KCNJ5: variants seen among roughly 807,000 people sequenced by gnomAD.
The protein encoded by KCNJ5 is potassium inwardly rectifying channel subfamily J member 5, also known as G protein-activated inward rectifier potassium channel 4.
A neutral mutation model predicts 20.2 loss-of-function variants in KCNJ5; 12 were observed. That is an observed-to-expected ratio of 0.59 (90% confidence interval 0.38 to 0.96). The LOEUF (loss-of-function observed/expected upper bound fraction) is 0.96. Ranked by LOEUF, KCNJ5 falls within the 40% of genes least tolerant of loss-of-function variation. KCNJ5 has a pLI of 0.00. For missense variants in KCNJ5, 449 were observed against 557.6 expected (o/e 0.81, Z 1.96); for synonymous variants, 210 against 213.9 (o/e 0.98, Z 0.16).
At chr11:128,899,103 G>T (rs752648435) in intron 1 of KCNJ5, among the ~76,000 whole-genome samples, 27 of 152,166 alleles carry the variant, frequency 1.8e-4, no homozygotes, top group Middle Eastern at 3.4e-3. Context: ...TTTTTGTGGA[G>T]TTGCTCAGAC....
intron 1 of KCNJ5, among the ~76,000 whole-genome samples, chr11:128,893,272 G>T (rs1314118558): frequency 1.3e-5 from 2 of 152,112 alleles, no homozygotes; most frequent in East Asian, 3.9e-4. Flanking sequence ...GAGGCCTGGG[G>T]CACAGCGTAT....
At chr11:128,907,090 A>T (rs1944430159) in intron 1 of KCNJ5, among the ~76,000 whole-genome samples, 1 of 152,178 alleles carries the variant, frequency 6.6e-6, no homozygotes, top group African/African-American at 2.4e-5. Flanking sequence ...TTCCCACAGA[A>T]GAGTATACAA....
chr11:128,915,257 A>G (rs772815974), intron 2 of KCNJ5, among the ~76,000 whole-genome samples: 62 of 152,382 alleles, frequency 4.1e-4, no homozygotes, highest in Non-Finnish European at 6.6e-4. Flanking sequence ...GAGAGAAAGC[A>G]ACACCTAAAA....
chr11:128,902,437 G>T, intron 1 of KCNJ5: 1 of 1,318,398 alleles, frequency 7.6e-7, no homozygotes, highest in South Asian at 1.3e-5. Flanking sequence ...TGCACAGGGT[G>T]CCAGTTAGGG....
chr11:128,916,376 G>T lies in KCNJ5; in HGVS notation c.938-33G>T, dbSNP rs537248185. On this transcript the variant is annotated intron_variant, in intron 2 of 2. Transcript: ENST00000529694. ...TGGATGGATAGATGGATGGATGATTGCATCATAATGCATGTAACTTCCGTT... is the reference window on the plus strand; with the variant it reads ...TGGATGGATAGATGGATGGATGATTTCATCATAATGCATGTAACTTCCGTT... 1.5e-4 allele frequency: 227 copies of T among 1,475,756 alleles called. 2 individuals carry two copies. The South Asian group carries it at 2.4e-3, about 16-fold the overall frequency. 91.4% of individuals were successfully genotyped at this position (1,475,756 alleles called of 1,614,324 possible).
At chr11:128,916,115 TG>T in intron 2 of KCNJ5, among the ~76,000 whole-genome samples, 1 of 125,094 alleles carries the variant, frequency 8.0e-6, no homozygotes, top group Non-Finnish European at 1.5e-5. Context: ...GATGGATGGA[TG>T]GATGGATGGA....
chr11:128,908,774 C>A (rs1168214195), intron 1 of KCNJ5, among the ~76,000 whole-genome samples: 2 of 152,212 alleles, frequency 1.3e-5, no homozygotes, highest in Non-Finnish European at 1.5e-5. Flanking sequence ...CCCTGCCCAA[C>A]CTCAGTGGCT....
intron 1 of KCNJ5, among the ~76,000 whole-genome samples, chr11:128,895,798 G>C (rs890938702): frequency 2.7e-4 from 41 of 152,390 alleles, no homozygotes; most frequent in African/African-American, 8.9e-4. Context: ...AGGCATCGCC[G>C]GGGCGAAGGC....
chr11:128,902,638 G>T (rs752342174), intron 1 of KCNJ5: 1 of 1,614,078 alleles, frequency 6.2e-7, no homozygotes, highest in South Asian at 1.1e-5. Context: ...GGGCCTTGCA[G>T]ATTGAGTTCT....
intron 2 of KCNJ5, 24 bp downstream of exon 2, chr11:128,912,234 C>T: frequency 6.4e-7 from 1 of 1,568,190 alleles, no homozygotes; most frequent in African/African-American, 1.3e-5. Flanking sequence ...TCCTCCTCAG[C>T]CACAGGTGGC....
Position 128,902,634 on chromosome 11 carries a change from T to G in KCNJ5, c.-10-8630T>G. On this transcript the variant is annotated intron_variant, in intron 1 of 2. Coordinates refer to ENST00000529694, the MANE Select transcript of KCNJ5 (RefSeq NM_000890.5). ...CGGCCCTCTCTACTATCATGGGCCT[T>G]GCAGATTGAGTTCTCCTCTTCCTGC... 1.9e-6 allele frequency: 3 copies of G among 1,614,016 alleles called. No homozygotes were observed. The South Asian group carries it at 3.3e-5, about 18-fold the overall frequency.
intron 1 of KCNJ5, among the ~76,000 whole-genome samples, chr11:128,910,138 G>A (rs1944475573): frequency 6.6e-6 from 1 of 152,228 alleles, no homozygotes; most frequent in Admixed American, 6.5e-5. Context: ...GCTTCTGAGT[G>A]CTCAGAAATG....
At chr11:128,904,461 G>T (rs564929248) in intron 1 of KCNJ5, 1 of 1,613,744 alleles carries the variant, frequency 6.2e-7, no homozygotes, top group South Asian at 1.1e-5. Context: ...CAGATTCTGG[G>T]ACTAGGCATC....
At chr11:128,907,864 T>C (rs531855980) in intron 1 of KCNJ5, among the ~76,000 whole-genome samples, 1 of 152,366 alleles carries the variant, frequency 6.6e-6, no homozygotes, top group South Asian at 2.1e-4. Context: ...CTGCTTTATG[T>C]CCAGCTCCTA....
In KCNJ5 at chr11:128,911,232, C is replaced by T. The variant is rs1344566127; in HGVS notation, c.-10-32C>T. The T allele has an allele frequency of 3.9e-6, 6 of 1,552,300 alleles. No homozygotes were observed. The highest frequency in any genetic ancestry group is 2.7e-5 in the African/African-American group (2 of 73,640). On this transcript the variant is annotated intron_variant, in intron 1 of 2. Coordinates refer to ENST00000529694, the MANE Select transcript of KCNJ5 (RefSeq NM_000890.5). The surrounding 1 kb of genome is among the most constrained non-coding windows in gnomAD (Gnocchi z 6.3). ...TGTGTTCTAGTGAATCAGAACAGCC[C>T]ACTTCACTGATGGTGTCTTTTTAAC...
At chr11:128,910,793 CTGTT>C (rs1944485349) in intron 1 of KCNJ5, among the ~76,000 whole-genome samples, 1 of 152,192 alleles carries the variant, frequency 6.6e-6, no homozygotes, top group South Asian at 2.1e-4. Flanking sequence ...GGGAGAGAGA[CTGTT>C]TGAATTAAGC....
rs1184251061 is a variant in KCNJ5 at position 128,911,710 on chromosome 11, C to A, written c.437C>A (p.Thr146Asn). Reference sequence around the variant, plus strand: ...TCCGCTTTCCTGTTCTCCATTGAGACCGAAACAACCATTGGGTATGGCTTC... The same window carrying A: ...TCCGCTTTCCTGTTCTCCATTGAGAACGAAACAACCATTGGGTATGGCTTC... ...FVSAFLFSIETETTIGYGFRV... is the reference protein window; with the variant it reads ...FVSAFLFSIENETTIGYGFRV... Residue 146 changes from threonine to asparagine, a missense_variant, in exon 2 of 3, where the codon ACC becomes AAC. Transcript: ENST00000529694. This position sits in a 1 kb window ranked among gnomAD's most constrained non-coding sequence, Gnocchi z 6.3. 1.2e-6 allele frequency: 2 copies of A among 1,614,060 alleles called. No homozygotes were observed. The highest frequency in any genetic ancestry group is 1.3e-5 in the African/African-American group (1 of 74,910).
At chr11:128,913,286 A>G (rs1307386219) in intron 2 of KCNJ5, among the ~76,000 whole-genome samples, 1 of 152,238 alleles carries the variant, frequency 6.6e-6, no homozygotes, top group Non-Finnish European at 1.5e-5. Flanking sequence ...TCACAAAAAA[A>G]CAGTGCATCC....
At chr11:128,912,702 G>T (rs186565262) in intron 2 of KCNJ5, among the ~76,000 whole-genome samples, 1 of 152,108 alleles carries the variant, frequency 6.6e-6, no homozygotes, top group African/African-American at 2.4e-5. Flanking sequence ...GTAGAGACAG[G>T]GTTTCACCAT....
Sources: gnomAD v4.1 joint callset for allele counts (sites outside exome capture counted in the v4.1 genomes callset) on GRCh38, gnomAD v4.1.1 for gene constraint, Gnocchi (gnomAD v3.1) non-coding constraint, MANE v1.5 for transcripts, NCBI Gene and HGNC (gene_info 2026-07-23, HGNC 2026-07-21) for gene names.